The following FBN2 variants were observed in gnomAD, a reference collection of about 807,000 sequenced individuals.
The protein encoded by FBN2 is fibrillin 2.
In FBN2, 105 loss-of-function variants were observed where a neutral mutation model predicts 355.6. The ratio of observed to expected loss-of-function variants is 0.30; its 90% CI spans 0.25 to 0.35. The LOEUF (loss-of-function observed/expected upper bound fraction) is 0.35, where lower values mean the gene tolerates loss of function less well. Ranked by LOEUF, FBN2 falls within the 10% of genes least tolerant of loss-of-function variation. The pLI, the probability that FBN2 is intolerant of heterozygous loss-of-function variation, is 1.00. For missense variants in FBN2, 3,280 were observed against 3,758.7 expected (o/e 0.87, Z 3.33); for synonymous variants, 1,350 against 1,301.2 (o/e 1.04, Z -0.81).
chr5:128,388,908 G>A (rs997351411), intron 11 of FBN2, among the ~76,000 whole-genome samples: 26 of 152,068 alleles, frequency 1.7e-4, no homozygotes, highest in African/African-American at 2.4e-4. Flanking sequence ...ATAATTTTTC[G>A]TGGGCAATAT....
chr5:128,338,966 C>A lies in FBN2; in HGVS notation c.3439G>T (p.Glu1147Ter). 6.2e-7 allele frequency: 1 copy of A among 1,614,140 alleles called. No individual in the cohort carries two copies. Among genetic ancestry groups the A allele is most frequent in the Non-Finnish European group, 8.5e-7 (1 of 1,179,986 alleles). The change falls in exon 26 of 65, where the codon GAA becomes TAA. Residue 1147 changes from glutamate to a stop codon, truncating the protein, a stop_gained. Transcript: ENST00000262464. LOFTEE classifies it high-confidence loss of function. ...SFECECFEGY[E>*]SGFMMMKNCM... is the part of the protein sequence containing the mutation. Reference sequence around the variant, plus strand: ...TTCTTCATCATCATGAAGCCACTTTCATAGCCTTCGAAGCACTCGCACTCA... The same window carrying A: ...TTCTTCATCATCATGAAGCCACTTTAATAGCCTTCGAAGCACTCGCACTCA...
chr5:128,534,716 TGG>T (rs1756800934), intron 2 of FBN2, among the ~76,000 whole-genome samples: 1 of 152,182 alleles, frequency 6.6e-6, no homozygotes, highest in Admixed American at 6.5e-5. Flanking sequence ...CAGTGATCAG[TGG>T]GGCCATACAT....
chr5:128,313,440 T>A (rs1015814239), intron 36 of FBN2, among the ~76,000 whole-genome samples: 1 of 152,098 alleles, frequency 6.6e-6, no homozygotes, highest in Non-Finnish European at 1.5e-5. Context: ...AGTTAACACA[T>A]CTAAAATCAA....
At chr5:128,411,773 G>C (rs748053815) in intron 7 of FBN2, among the ~76,000 whole-genome samples, 2 of 152,204 alleles carry the variant, frequency 1.3e-5, no homozygotes, top group Non-Finnish European at 2.9e-5. Flanking sequence ...CCTCGCCAGG[G>C]ACCCCCACCC....
intron 5 of FBN2, among the ~76,000 whole-genome samples, chr5:128,484,929 G>C (rs150893122): frequency 6.6e-6 from 1 of 152,234 alleles, no homozygotes; most frequent in East Asian, 1.9e-4. Context: ...AGAGCAATCA[G>C]ACAATACCTA....
chr5:128,512,998 A>G (rs776273071), intron 5 of FBN2, among the ~76,000 whole-genome samples: 1 of 152,214 alleles, frequency 6.6e-6, no homozygotes, highest in Admixed American at 6.5e-5. Flanking sequence ...TCACATTTCT[A>G]AAGTTACATA....
At chr5:128,536,625 C>G in intron 1 of FBN2, 141 bp from the exon 2 acceptor site, 1 of 717,662 alleles carries the variant, frequency 1.4e-6, no homozygotes, top group Non-Finnish European at 2.5e-6. Context: ...TATTGGAGAT[C>G]GGGAGGCAGA....
chr5:128,328,817 A>C lies in FBN2; in HGVS notation c.4350T>G (p.Val1450=). Residue 1450 remains valine (V), a synonymous_variant, in exon 34 of 65, where the codon GTT becomes GTG. Coordinates refer to ENST00000262464, the MANE Select transcript of FBN2 (RefSeq NM_001999.4). The stretch of plus-strand genomic sequence containing the variant: ...GGTTTATGTTTTCTGCACACTCATC[A>C]ACATCTGTGCAAAAAAGCAAATTAC... ...FTGDGFTCSD[V]DECAENINLC... is the part of the protein sequence containing the mutation. 6.2e-7 allele frequency: 1 copy of C among 1,614,176 alleles called. No individual in the cohort carries two copies. Among genetic ancestry groups the C allele is most frequent in the South Asian group, 1.1e-5 (1 of 91,086 alleles).
intron 26 of FBN2, 100 bp from the exon 27 acceptor site, chr5:128,338,222 G>A: frequency 8.4e-7 from 1 of 1,195,642 alleles, no homozygotes; most frequent in Non-Finnish European, 1.2e-6. Flanking sequence ...GAGAGTGTGA[G>A]TTAGTGGAAG....
chr5:128,424,214 T>C (rs1401490363), intron 7 of FBN2, among the ~76,000 whole-genome samples: 1 of 152,112 alleles, frequency 6.6e-6, no homozygotes, highest in Non-Finnish European at 1.5e-5. Flanking sequence ...CAACTGCTTA[T>C]AGATGATTGT....
At chr5:128,438,481 T>C (rs764160231) in intron 7 of FBN2, among the ~76,000 whole-genome samples, 23 of 152,234 alleles carry the variant, frequency 1.5e-4, no homozygotes, top group Non-Finnish European at 3.1e-4. Flanking sequence ...ACATTTCATT[T>C]GACACTCTTA....
chr5:128,537,229 G>A, intron 1 of FBN2, 121 bp downstream of exon 1: 1 of 1,460,720 alleles, frequency 6.8e-7, no homozygotes, highest in Non-Finnish European at 9.1e-7. Context: ...TGGCAAAGGG[G>A]GCTGCAGCTC....
intron 35 of FBN2, 144 bp downstream of exon 35, chr5:128,318,735 C>A: frequency 1.5e-6 from 1 of 673,400 alleles, no homozygotes; most frequent in South Asian, 2.2e-5. Flanking sequence ...CAAATAAATG[C>A]ATCTGAATAT....
intron 8 of FBN2, among the ~76,000 whole-genome samples, chr5:128,406,756 T>C (rs1354110575): frequency 2.0e-5 from 3 of 152,186 alleles, no homozygotes; most frequent in African/African-American, 7.2e-5. Flanking sequence ...ATTTATGAAT[T>C]GTTTATTTCT....
intron 7 of FBN2, among the ~76,000 whole-genome samples, chr5:128,422,441 T>G (rs966222729): frequency 5.9e-5 from 9 of 152,112 alleles, no homozygotes; most frequent in African/African-American, 2.2e-4. Flanking sequence ...CAAGAAATAG[T>G]ATAGTGAGAA....
Position 128,369,225 on chromosome 5 carries a change from A to G in FBN2, c.2205T>C (p.Tyr735=). The stretch of plus-strand genomic sequence containing the variant: ...ATGGCTGGCAGGGTTCTCCAAAACC[A>G]TAGTCTGGATTGGCACAGCAGCATT... ...KSECCCANPD[Y]GFGEPCQPCP... is the part of the protein sequence containing the mutation. Residue 735 remains tyrosine, a synonymous_variant, in exon 16 of 65, where the codon TAT becomes TAC. Coordinates refer to ENST00000262464, the MANE Select transcript of FBN2 (RefSeq NM_001999.4). 4 of 1,614,174 alleles carry G rather than the reference A, an allele frequency of 2.5e-6. No homozygotes were observed. Among genetic ancestry groups the G allele is most frequent in the Non-Finnish European group, 3.4e-6 (4 of 1,180,036 alleles).
At chr5:128,289,287 T>C (rs751364567) in intron 51 of FBN2, 35 bp from the exon 52 acceptor site, 3 of 1,612,130 alleles carry the variant, frequency 1.9e-6, no homozygotes, top group South Asian at 2.2e-5. Flanking sequence ...TTTCCTCATA[T>C]AAAAAGATAT....
At chr5:128,272,928 T>C (rs1765303025) in intron 61 of FBN2, among the ~76,000 whole-genome samples, 1 of 152,128 alleles carries the variant, frequency 6.6e-6, no homozygotes, top group African/African-American at 2.4e-5. Flanking sequence ...AGATAAAATA[T>C]TAAAATTGAC....
At chr5:128,416,032 T>TA (rs1753187481) in intron 7 of FBN2, among the ~76,000 whole-genome samples, 1 of 151,836 alleles carries the variant, frequency 6.6e-6, no homozygotes, top group African/African-American at 2.4e-5. Flanking sequence ...TGCACTTTTT[T>TA]TTTTTTTTTT....
Sources: allele counts gnomAD v4.1 joint callset (sites outside exome capture counted in the v4.1 genomes callset), GRCh38; gene constraint gnomAD v4.1.1; transcripts MANE v1.5; gene names NCBI Gene and HGNC (gene_info 2026-07-23, HGNC 2026-07-21).